Variants in CMIP observed in about 807,000 individuals in gnomAD.
CMIP encodes the protein C-Maf-inducing protein.
In CMIP, 13 loss-of-function variants were observed where a neutral mutation model predicts 97.3. The observed-to-expected ratio is 0.13, with a 90% CI of 0.09 to 0.21. The LOEUF (loss-of-function observed/expected upper bound fraction) is 0.21, where lower values mean the gene tolerates loss of function less well. CMIP is among the 10% of genes least tolerant of loss of function. The probability of loss-of-function intolerance (pLI) is 1.00; values close to 1 mark genes in which losing one functional copy is unlikely to be tolerated. For synonymous variants in CMIP, 538 were observed against 436.3 expected (o/e 1.23, Z -2.91); for missense variants, 847 against 1,024.9 (o/e 0.83, Z 2.37).
intron 1 of CMIP, among the ~76,000 whole-genome samples, chr16:81,537,684 A>T (rs1020621209): frequency 5.3e-5 from 8 of 151,764 alleles, no homozygotes. Context: ...TGGTCCATAT[A>T]GTGAGACGCC....
chr16:81,660,719 A>AT lies in CMIP; in HGVS notation c.682-159dup, dbSNP rs998984775. ...AGATACGGTTGTGGATTTTTGGGGG[A>AT]TTTTTTCTTTTCTTTTTTTTTCTGC... On this transcript the variant is annotated intron_variant, in intron 5 of 20. Transcript: ENST00000537098. Among the ~76,000 whole-genome samples the AT allele has an allele frequency of 4.1e-5, 6 of 147,774 alleles. No individual in the cohort carries two copies. In the South Asian group the frequency reaches 6.8e-4, roughly 17 times the overall value.
intron 5 of CMIP, 30 bp downstream of exon 5, chr16:81,657,846 C>T (rs181757319): frequency 3.2e-6 from 5 of 1,572,236 alleles, no homozygotes; most frequent in Non-Finnish European, 4.3e-6. Context: ...GCTCCCTCCA[C>T]CCACCTCCGC....
chr16:81,617,410 A>C (rs901995514), intron 2 of CMIP: 1 of 152,372 alleles, frequency 6.6e-6, no homozygotes, highest in African/African-American at 2.4e-5. Context: ...CCATCTCCAT[A>C]GCACTTGCCC....
intron 19 of CMIP, among the ~76,000 whole-genome samples, chr16:81,706,603 AC>A (rs1293492548): frequency 2.6e-4 from 40 of 152,304 alleles, no homozygotes; most frequent in African/African-American, 9.6e-4. Context: ...TCCAACACAA[AC>A]CAGAGGTTGA....
chr16:81,599,267 A>G, intron 1 of CMIP, among the ~76,000 whole-genome samples: 1 of 152,186 alleles, frequency 6.6e-6, no homozygotes, highest in East Asian at 1.9e-4. Context: ...GAGGGAAACC[A>G]GGGGAGGGAG....
chr16:81,619,067 A>G (rs1203417372), intron 2 of CMIP: 1 of 152,218 alleles, frequency 6.6e-6, no homozygotes, highest in East Asian at 1.9e-4. Context: ...GTCGTCAAGC[A>G]ACTTGCTGCA....
chr16:81,571,406 T>C (rs1191848340), intron 1 of CMIP, among the ~76,000 whole-genome samples: 1 of 151,992 alleles, frequency 6.6e-6, no homozygotes, highest in Non-Finnish European at 1.5e-5. Context: ...AATTTGAGGC[T>C]GCAGCGAGCA....
At chr16:81,662,938 C>G (rs1210872106) in intron 6 of CMIP, among the ~76,000 whole-genome samples, 2 of 152,038 alleles carry the variant, frequency 1.3e-5, no homozygotes, top group Non-Finnish European at 2.9e-5. Context: ...TCTTTCAGAC[C>G]AAACATGCAG....
chr16:81,457,861 C>T (rs893804947), intron 1 of CMIP, among the ~76,000 whole-genome samples: 1 of 152,214 alleles, frequency 6.6e-6, no homozygotes, highest in Non-Finnish European at 1.5e-5. Flanking sequence ...AGCCGGTGGG[C>T]CACGGCACCC....
chr16:81,476,659 T>G, intron 1 of CMIP: 1 of 382,318 alleles, frequency 2.6e-6, no homozygotes, highest in Non-Finnish European at 5.0e-6. Flanking sequence ...ACTTTCTGTA[T>G]ATGAGATCCA....
At chr16:81,631,460 G>C (rs533728558) in intron 3 of CMIP, 1 of 152,190 alleles carries the variant, frequency 6.6e-6, no homozygotes, top group Admixed American at 6.5e-5. Context: ...AATACATCTA[G>C]AAAAGGGTAC....
intron 1 of CMIP, chr16:81,463,924 GACA>G (rs890061309): frequency 6.6e-6 from 1 of 152,304 alleles, no homozygotes; most frequent in African/African-American, 2.4e-5. Context: ...GTGTTGGTTG[GACA>G]ACAAGGCAGG....
intron 1 of CMIP, among the ~76,000 whole-genome samples, chr16:81,465,145 A>G (rs1278000073): frequency 6.6e-6 from 1 of 152,218 alleles, no homozygotes; most frequent in Non-Finnish European, 1.5e-5. Context: ...TTGTTGTAGC[A>G]CAGTTAGATA....
intron 1 of CMIP, among the ~76,000 whole-genome samples, chr16:81,457,138 G>C (rs1188708294): frequency 6.6e-6 from 1 of 151,878 alleles, no homozygotes; most frequent in Non-Finnish European, 1.5e-5. Context: ...TCTGACCTTT[G>C]GCACACGCCT....
intron 3 of CMIP, among the ~76,000 whole-genome samples, chr16:81,647,542 C>G (rs1295112651): frequency 6.6e-6 from 1 of 152,152 alleles, no homozygotes; most frequent in Non-Finnish European, 1.5e-5. Context: ...CTGTGTACTC[C>G]CCACTTCAGA....
intron 13 of CMIP, among the ~76,000 whole-genome samples, chr16:81,695,152 C>G (rs1020790474): frequency 1.3e-5 from 2 of 152,206 alleles, no homozygotes; most frequent in African/African-American, 4.8e-5. Flanking sequence ...CTGGAAGGAG[C>G]CAGCTCCCCT....
intron 1 of CMIP, among the ~76,000 whole-genome samples, chr16:81,569,042 C>G (rs552161649): frequency 6.6e-6 from 1 of 152,144 alleles, no homozygotes; most frequent in African/African-American, 2.4e-5. Flanking sequence ...CTGGAGAACT[C>G]GCAGAGGTTT....
chr16:81,471,578 TACACAC>T (rs59971597), intron 1 of CMIP, among the ~76,000 whole-genome samples: 1 of 151,586 alleles, frequency 6.6e-6, no homozygotes, highest in African/African-American at 2.4e-5. Flanking sequence ...CATACACAAA[TACACAC>T]ACACACACAG....
chr16:81,551,407 C>A (rs2090656417), intron 1 of CMIP, among the ~76,000 whole-genome samples: 1 of 152,356 alleles, frequency 6.6e-6, no homozygotes, highest in East Asian at 1.9e-4. Flanking sequence ...CTGAAAATAT[C>A]CATTGGCTTC....
Sources: allele counts gnomAD v4.1 joint callset (sites outside exome capture counted in the v4.1 genomes callset), GRCh38; gene constraint gnomAD v4.1.1; transcripts MANE v1.5; gene names NCBI Gene and HGNC (gene_info 2026-07-23, HGNC 2026-07-21).